Variants in EDNRA observed in about 807,000 individuals in gnomAD.
The protein encoded by EDNRA is endothelin receptor type A, also known as endothelin-1 receptor.
In EDNRA, 11 loss-of-function variants were observed where a neutral mutation model predicts 41.4. The ratio of observed to expected loss-of-function variants is 0.27; its 90% CI spans 0.17 to 0.44. The LOEUF (loss-of-function observed/expected upper bound fraction) is 0.44, where lower values mean the gene tolerates loss of function less well. EDNRA is among the 20% of genes least tolerant of loss of function. The pLI, the probability that EDNRA is intolerant of heterozygous loss-of-function variation, is 1.00. For synonymous variants in EDNRA, 172 were observed against 183.0 expected (o/e 0.94, Z 0.49); for missense variants, 294 against 531.0 (o/e 0.55, Z 4.39).
chr4:147,533,017 G>A (rs1195648751), intron 4 of EDNRA, among the ~76,000 whole-genome samples: 1 of 131,968 alleles, frequency 7.6e-6, no homozygotes, highest in Non-Finnish European at 1.6e-5. Context: ...GTGTGTGTGT[G>A]TGTGTGTGTA....
intron 3 of EDNRA, among the ~76,000 whole-genome samples, 172 bp from the exon 4 acceptor site, chr4:147,532,325 CAAAAAAAAA>C (rs59851236): frequency 6.6e-5 from 4 of 60,390 alleles, no homozygotes; most frequent in African/African-American, 1.9e-4. Context: ...GATTTTGCCT[CAAAAAAAAA>C]AAAAAAAAAA....
chr4:147,543,162 T>C lies in EDNRA; in HGVS notation c.*544T>C, dbSNP rs1731171551. 6.6e-6 allele frequency: 1 copy of C among 152,134 alleles called. No homozygotes were observed. Among genetic ancestry groups the C allele is most frequent in the Admixed American group, 6.6e-5 (1 of 15,254 alleles). The allele number at this position is 152,134 out of a possible 1,614,324, so 9.4% of individuals were successfully genotyped here. A position where few individuals can be genotyped will look rare whatever the true frequency, so the allele number is the denominator to read the frequency against. ...AGCCTAACATGATTATTTGAACTTATTTACACATAGTTTGAAAAAAAAAAG... is the reference window on the plus strand; with the variant it reads ...AGCCTAACATGATTATTTGAACTTACTTACACATAGTTTGAAAAAAAAAAG... On this transcript the variant is annotated 3_prime_UTR_variant, in exon 8 of 8. Coordinates refer to ENST00000651419, the MANE Select transcript of EDNRA (RefSeq NM_001957.4).
intron 3 of EDNRA, among the ~76,000 whole-genome samples, chr4:147,523,691 C>T (rs1021346061): frequency 3.9e-5 from 6 of 151,934 alleles, no homozygotes; most frequent in African/African-American, 1.5e-4. Context: ...GGGGTTTCAC[C>T]GTGTTAGCCA....
intron 3 of EDNRA, among the ~76,000 whole-genome samples, chr4:147,525,742 G>A (rs145582361): frequency 8.5e-4 from 130 of 152,204 alleles, no homozygotes; most frequent in African/African-American, 2.8e-3. Context: ...AGTTGCCTGG[G>A]GAAGAAGGCT....
chr4:147,537,214 T>C (rs1380016581), intron 5 of EDNRA, among the ~76,000 whole-genome samples: 2 of 152,210 alleles, frequency 1.3e-5, no homozygotes, highest in Non-Finnish European at 2.9e-5. Context: ...TTTTCATCTG[T>C]AAATTGGGCA....
At chr4:147,492,589 CTG>C (rs1165754736) in intron 2 of EDNRA, 1 of 151,382 alleles carries the variant, frequency 6.6e-6, no homozygotes, top group East Asian at 1.9e-4. Flanking sequence ...ATAGTTGTAA[CTG>C]TAGTTTTGAT....
At chr4:147,533,321 T>A (rs1186329232) in intron 4 of EDNRA, among the ~76,000 whole-genome samples, 3 of 152,222 alleles carry the variant, frequency 2.0e-5, no homozygotes, top group Admixed American at 1.3e-4. Flanking sequence ...ACCATATTAA[T>A]GTTTTTCTGA....
chr4:147,533,846 T>A (rs1294131362), intron 4 of EDNRA, among the ~76,000 whole-genome samples: 1 of 152,146 alleles, frequency 6.6e-6, no homozygotes, highest in Non-Finnish European at 1.5e-5. Context: ...AAAGACTGTC[T>A]CCTATCTAGA....
At chr4:147,497,079 A>G (rs1446990183) in intron 2 of EDNRA, among the ~76,000 whole-genome samples, 2 of 150,400 alleles carry the variant, frequency 1.3e-5, no homozygotes, top group Non-Finnish European at 3.0e-5. Flanking sequence ...TTTATATTTT[A>G]CTATTCAGTA....
intron 2 of EDNRA, among the ~76,000 whole-genome samples, chr4:147,511,825 A>G (rs2126433484): frequency 1.3e-5 from 2 of 152,240 alleles, no homozygotes; most frequent in Middle Eastern, 6.8e-3. Context: ...AGGTTTTGGG[A>G]CTTATTGTCT....
intron 2 of EDNRA, chr4:147,488,682 G>T (rs901514045): frequency 1.3e-5 from 2 of 152,210 alleles, no homozygotes; most frequent in Admixed American, 1.3e-4. Context: ...AAGGCTCACA[G>T]TATTTAGGAG....
At chr4:147,483,216 A>T (rs1728832803) in intron 1 of EDNRA, among the ~76,000 whole-genome samples, 1 of 152,262 alleles carries the variant, frequency 6.6e-6, no homozygotes, top group Non-Finnish European at 1.5e-5. Flanking sequence ...TTTATAATTA[A>T]GTCTAGTCAG....
At chr4:147,508,173 C>T (rs141678493) in intron 2 of EDNRA, among the ~76,000 whole-genome samples, 1 of 152,108 alleles carries the variant, frequency 6.6e-6, no homozygotes, top group African/African-American at 2.4e-5. Flanking sequence ...GAGTCTCGCT[C>T]TGTCACCCAG....
intron 2 of EDNRA, among the ~76,000 whole-genome samples, chr4:147,504,691 C>T (rs538472139): frequency 1.1e-4 from 16 of 152,160 alleles, no homozygotes; most frequent in Admixed American, 9.8e-4. Context: ...CGGTGGTTCA[C>T]GCCTGTAATC....
rs752630183 is a variant in EDNRA at position 147,485,860 on chromosome 4, C to A, written c.179C>A (p.Pro60His). The A allele has an allele frequency of 1.9e-6, 3 of 1,614,100 alleles. No homozygotes were observed. The Admixed American group carries it at 5.0e-5, about 27-fold the overall frequency. ...CATCAACCCACTAATTTGGTCCTACCCAGCAATGGCTCAATGCACAACTAT... is the reference window on the plus strand; with the variant it reads ...CATCAACCCACTAATTTGGTCCTACACAGCAATGGCTCAATGCACAACTAT... Reference protein sequence around the residue: ...TTHQPTNLVLPSNGSMHNYCP... With the variant: ...TTHQPTNLVLHSNGSMHNYCP... Residue 60 changes from proline (P) to histidine (H), a missense_variant, in exon 2 of 8, where the codon CCC becomes CAC. Pro to His is a moderately conservative substitution (Grantham distance 77). Around this residue, in one of 3 missense-constraint regions of EDNRA, gnomAD observed 90 missense variants for 122.8 expected, o/e 0.73. Transcript: ENST00000651419.
chr4:147,499,188 T>G (rs1578783350), intron 2 of EDNRA, among the ~76,000 whole-genome samples: 1 of 152,168 alleles, frequency 6.6e-6, no homozygotes, highest in East Asian at 1.9e-4. Flanking sequence ...CCCAAGTGGC[T>G]GGGACTACAG....
At chr4:147,506,817 G>C (rs1251912693) in intron 2 of EDNRA, 1 of 193,078 alleles carries the variant, frequency 5.2e-6, no homozygotes, top group Admixed American at 5.7e-5. Context: ...TAAGCAAAAC[G>C]CATTGATACT....
At position 147,543,242 on chromosome 4, in the gene EDNRA, A is replaced by C. The variant is rs1174557859; in HGVS notation, c.*624A>C. On this transcript the variant is annotated 3_prime_UTR_variant, in exon 8 of 8. Transcript: ENST00000651419. Reference sequence around the variant, plus strand: ...ATTAGTATTTTCCACGTCACTGTTTATTTTTTTAAAACACAAATTCTAAAG... The same window carrying C: ...ATTAGTATTTTCCACGTCACTGTTTCTTTTTTTAAAACACAAATTCTAAAG... 6.6e-6 allele frequency: 1 copy of C among 152,142 alleles called. No individual in the cohort carries two copies. The highest frequency in any genetic ancestry group is 1.5e-5 in the Non-Finnish European group (1 of 68,010). The allele number at this position is 152,142 out of a possible 1,614,324, so 9.4% of individuals were successfully genotyped here. A position where few individuals can be genotyped will look rare whatever the true frequency, so the allele number is the denominator to read the frequency against.
In EDNRA at chr4:147,542,906, G is replaced by A. The variant is rs1036220492; in HGVS notation, c.*288G>A. On this transcript the variant is annotated 3_prime_UTR_variant, in exon 8 of 8. Transcript: ENST00000651419. ...TGAAGACTGTTAAATGAAACCAGAAGGATATTTACTACTTTTGCATGAAAA... is the reference window on the plus strand; with the variant it reads ...TGAAGACTGTTAAATGAAACCAGAAAGATATTTACTACTTTTGCATGAAAA... 1.2e-5 allele frequency: 3 copies of A among 252,294 alleles called. No individual in the cohort carries two copies. Among genetic ancestry groups the A allele is most frequent in the East Asian group, 7.5e-5 (1 of 13,354 alleles). The allele number at this position is 252,294 out of a possible 1,614,324, so 15.6% of individuals were successfully genotyped here.
Sources: gnomAD v4.1 joint callset for allele counts (sites outside exome capture counted in the v4.1 genomes callset) on GRCh38, gnomAD v4.1.1 for gene constraint, gnomAD v4.1.1 regional missense constraint, MANE v1.5 for transcripts, NCBI Gene and HGNC (gene_info 2026-07-23, HGNC 2026-07-21) for gene names.